ATRX: variants seen among roughly 807,000 people sequenced by gnomAD.
The protein encoded by ATRX is chromatin remodeler ATRX.
ATRX carries 12 observed loss-of-function variants against 172.6 expected under a neutral mutation model. The ratio of observed to expected loss-of-function variants is 0.07; its 90% confidence interval spans 0.04 to 0.11. The LOEUF is 0.11. Among genes scored for constraint, ATRX ranks in the 10% least tolerant of loss-of-function variants. The pLI, the probability that ATRX is intolerant of heterozygous loss-of-function variation, is 1.00. For synonymous variants in ATRX, 674 were observed against 594.7 expected (o/e 1.13, Z -1.94); for missense variants, 1,368 against 1,767.4 (o/e 0.77, Z 4.05).
intron 1 of ATRX, among the ~76,000 whole-genome samples, chrX:77,757,651 T>G (rs1314883748): frequency 9.0e-6 from 1 of 110,812 alleles, no homozygotes; most frequent in African/African-American, 3.3e-5. Flanking sequence ...AAGCCTGAAA[T>G]TGAATAGAAG....
intron 1 of ATRX, among the ~76,000 whole-genome samples, chrX:77,759,492 T>A (rs2075637732): frequency 9.0e-6 from 1 of 111,011 alleles, no homozygotes; most frequent in Admixed American, 9.6e-5. Context: ...GGCAGGTGGA[T>A]CACTTGAGGT....
At position 77,588,453 on chromosome X, in the gene ATRX, G is replaced by A. The variant is rs45611431; in HGVS notation, c.6217+1381C>T. ...TGTCAACAAAATAAAATATTTTTGC[G>A]CATCAGAGGACACACTCAAGAAAGC... On this transcript the variant is annotated intron_variant, in intron 27 of 34. Transcript: ENST00000373344. Among the ~76,000 whole-genome samples, 4 of 111,554 alleles carry A rather than the reference G, an allele frequency of 3.6e-5. No individual in the cohort carries two copies. In the East Asian group the frequency reaches 8.4e-4, roughly 23 times the overall value.
intron 34 of ATRX, among the ~76,000 whole-genome samples, chrX:77,513,133 C>T (rs575670356): frequency 4.6e-5 from 5 of 107,989 alleles, no homozygotes; most frequent in East Asian, 6.0e-4. Flanking sequence ...CTGGTTAACA[C>T]GGTGAAACCC....
chrX:77,705,910 C>T (rs943924952), intron 2 of ATRX, among the ~76,000 whole-genome samples: 1 of 111,423 alleles, frequency 9.0e-6, no homozygotes, highest in Admixed American at 9.5e-5. Context: ...CAATCAAGAC[C>T]GTGGAGTACT....
chrX:77,750,194 A>G (rs1410647577), intron 1 of ATRX, among the ~76,000 whole-genome samples: 12 of 111,840 alleles, frequency 1.1e-4, no homozygotes, highest in Non-Finnish European at 2.1e-4. Context: ...TGCACAATTT[A>G]TAAGTTAAAC....
rs782341193 is a variant in ATRX at position 77,683,038 on chromosome X, C to G, written c.2218G>C (p.Glu740Gln). The G allele has an allele frequency of 8.3e-7, 1 of 1,210,760 alleles. No individual in the cohort carries two copies. Among genetic ancestry groups the G allele is most frequent in the Non-Finnish European group, 1.1e-6 (1 of 894,839 alleles). The change falls in exon 9 of 35, where the codon GAG (glutamate) becomes CAG (glutamine). Residue 740 changes from glutamate (E) to glutamine (Q), a missense_variant. Physicochemically the swap from Glu to Gln is conservative, Grantham distance 29 (BLOSUM62 2). Transcript: ENST00000373344. ...GAACTGTGACTCATCCTGCTCACCT[C>G]TTTGAGGATTGCTAGCATTTCATCA... ...DSDEMLAILKEVSRMSHSSSS... is the reference protein window; with the variant it reads ...DSDEMLAILKQVSRMSHSSSS...
chrX:77,542,640 A>G, intron 30 of ATRX, among the ~76,000 whole-genome samples: 1 of 111,692 alleles, frequency 9.0e-6, no homozygotes, highest in Non-Finnish European at 1.9e-5. Context: ...ATGGAACAAA[A>G]CAGAGGCCTC....
At chrX:77,685,510 A>G (rs1256036029) in intron 7 of ATRX, among the ~76,000 whole-genome samples, 2 of 112,253 alleles carry the variant, frequency 1.8e-5, no homozygotes, top group African/African-American at 6.5e-5. Flanking sequence ...CCCAGTTAAA[A>G]TGGCTTATAT....
In ATRX at chrX:77,786,074, G is replaced by A. The variant is rs1438060167; in HGVS notation, c.-73C>T. 7 of 1,104,207 alleles carry A rather than the reference G, an allele frequency of 6.3e-6. No individual in the cohort carries two copies. The East Asian group carries it at 9.8e-5, about 16-fold the overall frequency. The allele number at this position is 1,104,207 out of a possible 1,213,427, so 91.0% of individuals were successfully genotyped here. A position where few individuals can be genotyped will look rare whatever the true frequency, so the allele number is the denominator to read the frequency against. On this transcript the variant is annotated 5_prime_UTR_variant, in exon 1 of 35. Transcript: ENST00000373344. ...TCTGCGCTCCCCCGCGCCCGGTTAC[G>A]ATAGAAATGCACTGGAGTCTTAGTC... is the stretch of plus-strand genomic sequence containing the variant.
At chrX:77,610,000 CTTGT>C (rs1455292476) in intron 22 of ATRX, among the ~76,000 whole-genome samples, 7 of 111,806 alleles carry the variant, frequency 6.3e-5, no homozygotes, top group South Asian at 3.7e-4. Context: ...ATATAAATGA[CTTGT>C]TTGTCATTTA....
At chrX:77,509,529 G>C (rs1230097321) in intron 34 of ATRX, among the ~76,000 whole-genome samples, 2 of 111,895 alleles carry the variant, frequency 1.8e-5, no homozygotes. Flanking sequence ...GGCACTAAAG[G>C]GGGTAGGAAA....
At chrX:77,554,188 T>G (rs1246617595) in intron 30 of ATRX, among the ~76,000 whole-genome samples, 3 of 110,200 alleles carry the variant, frequency 2.7e-5, no homozygotes. Context: ...GTCTATAACC[T>G]CAGCTACTCG....
chrX:77,620,778 G>A (rs900024119), intron 19 of ATRX, among the ~76,000 whole-genome samples: 2 of 111,223 alleles, frequency 1.8e-5, no homozygotes, highest in African/African-American at 6.5e-5. Context: ...GGTCCTCTGA[G>A]TTTACAAAAA....
At chrX:77,737,068 G>T (rs193167898) in intron 1 of ATRX, among the ~76,000 whole-genome samples, 39 of 110,188 alleles carry the variant, frequency 3.5e-4, no homozygotes, top group Non-Finnish European at 1.5e-4. Flanking sequence ...AAGTGCGAGG[G>T]GGGGCAAGAT....
intron 30 of ATRX, among the ~76,000 whole-genome samples, chrX:77,529,139 A>G (rs1316333053): frequency 8.9e-6 from 1 of 112,032 alleles, no homozygotes; most frequent in African/African-American, 3.2e-5. Context: ...TGAACCTCTG[A>G]GAATTATGTG....
intron 7 of ATRX, 136 bp from the exon 8 acceptor site, chrX:77,685,142 G>A: frequency 2.0e-6 from 1 of 507,760 alleles, no homozygotes; most frequent in Non-Finnish European, 3.3e-6. Context: ...AAGATTTATT[G>A]AGCATATTAC....
intron 34 of ATRX, among the ~76,000 whole-genome samples, chrX:77,515,088 T>C (rs2063005768): frequency 9.0e-6 from 1 of 111,570 alleles, no homozygotes; most frequent in Non-Finnish European, 1.9e-5. Context: ...ATGGCCATTA[T>C]TAAAAAGTCA....
intron 15 of ATRX, among the ~76,000 whole-genome samples, chrX:77,641,571 A>C (rs1260709239): frequency 1.0e-5 from 1 of 99,126 alleles, no homozygotes; most frequent in Non-Finnish European, 2.0e-5. Context: ...TGATAGAGCG[A>C]GCCTCCATCT....
chrX:77,539,591 G>A (rs936648154), intron 30 of ATRX, among the ~76,000 whole-genome samples: 8 of 109,560 alleles, frequency 7.3e-5, no homozygotes, highest in African/African-American at 3.3e-5. Context: ...AAACAGAAAC[G>A]ACCACCACAG....
Sources: gnomAD v4.1 joint callset for allele counts (sites outside exome capture counted in the v4.1 genomes callset) on GRCh38, gnomAD v4.1.1 for gene constraint, MANE v1.5 for transcripts, NCBI Gene and HGNC (gene_info 2026-07-23, HGNC 2026-07-21) for gene names.